DACH2: variants seen among roughly 807,000 people sequenced by gnomAD.
DACH2 encodes dachshund family transcription factor 2, also known as dachshund homolog 2.
Under a neutral mutation model 35.8 loss-of-function variants are expected in DACH2, and 17 were observed. That is an observed-to-expected ratio of 0.48 (90% confidence interval 0.33 to 0.71). The LOEUF (loss-of-function observed/expected upper bound fraction) is 0.71. DACH2 is among the 30% of genes least tolerant of loss of function. The pLI is 0.02. For missense variants in DACH2, 469 were observed against 472.7 expected, an observed-to-expected ratio of 0.99 and a Z score of 0.07; for synonymous variants, 195 against 177.3, an observed-to-expected ratio of 1.10 and a Z score of -0.79.
chrX:86,423,806 G>A (rs915530009), intron 2 of DACH2, among the ~76,000 whole-genome samples: 4 of 110,700 alleles, frequency 3.6e-5, no homozygotes, highest in Admixed American at 2.9e-4. Context: ...TTAGATTTAG[G>A]TCTTCAATCC....
chrX:86,266,025 C>A (rs906792032), intron 1 of DACH2, among the ~76,000 whole-genome samples: 1 of 111,388 alleles, frequency 9.0e-6, no homozygotes. Flanking sequence ...TTTTACTCTG[C>A]ATGTAAAACT....
chrX:86,601,153 A>G (rs1287413962), intron 3 of DACH2, among the ~76,000 whole-genome samples: 1 of 111,500 alleles, frequency 9.0e-6, no homozygotes, highest in Non-Finnish European at 1.9e-5. Flanking sequence ...TTCGGAATGC[A>G]CTTTTGAAAG....
At chrX:86,198,584 T>C (rs1288944852) in intron 1 of DACH2, among the ~76,000 whole-genome samples, 3 of 111,238 alleles carry the variant, frequency 2.7e-5, no homozygotes, top group Non-Finnish European at 5.7e-5. Flanking sequence ...AAAGGGGATA[T>C]TACCACTGAC....
intron 1 of DACH2, among the ~76,000 whole-genome samples, chrX:86,168,089 C>G (rs1031066957): frequency 9.0e-6 from 1 of 111,433 alleles, no homozygotes; most frequent in African/African-American, 3.3e-5. Context: ...TCTGATGTTT[C>G]ATTTTGGATT....
chrX:86,219,915 G>C (rs1305730183), intron 1 of DACH2, among the ~76,000 whole-genome samples: 1 of 106,364 alleles, frequency 9.4e-6, no homozygotes, highest in Non-Finnish European at 1.9e-5. Flanking sequence ...CAGCACTTTG[G>C]GAGGCCAAGG....
chrX:86,774,421 T>A (rs369409705), intron 7 of DACH2, among the ~76,000 whole-genome samples: 1 of 112,043 alleles, frequency 8.9e-6, no homozygotes, highest in African/African-American at 3.2e-5. Flanking sequence ...GTTTGAAAGG[T>A]GGTTTTAACA....
intron 3 of DACH2, among the ~76,000 whole-genome samples, chrX:86,555,485 T>A (rs779773714): frequency 9.0e-6 from 1 of 111,664 alleles, no homozygotes; most frequent in African/African-American, 3.2e-5. Flanking sequence ...TTTTGTACAA[T>A]TTAAAGCATA....
chrX:86,795,967 G>A (rs2042233000), intron 7 of DACH2, among the ~76,000 whole-genome samples: 1 of 111,416 alleles, frequency 9.0e-6, no homozygotes, highest in South Asian at 4.0e-4. Context: ...AGAGTGAGCA[G>A]CAGCAAGATT....
chrX:86,554,980 A>G (rs748515328), intron 3 of DACH2, among the ~76,000 whole-genome samples: 1 of 111,587 alleles, frequency 9.0e-6, no homozygotes, highest in Non-Finnish European at 1.9e-5. Context: ...GAAGAAAAAC[A>G]TTTTGATTTT....
In DACH2 at chrX:86,810,896, T is replaced by G. The variant is rs2042388890; in HGVS notation, c.1241-1960T>G. On this transcript the variant is annotated intron_variant, in intron 7 of 11. Transcript: ENST00000373125. ...GCAAATGTCTTGTAAGAGTTTAGCGTTAATTTTAAATAGAGTTACGTAACT... is the reference window on the plus strand; with the variant it reads ...GCAAATGTCTTGTAAGAGTTTAGCGGTAATTTTAAATAGAGTTACGTAACT... Among the ~76,000 whole-genome samples the G allele has an allele frequency of 2.7e-5, 3 of 111,562 alleles. No individual in the cohort carries two copies. In the Admixed American group the frequency reaches 2.9e-4, roughly 11 times the overall value.
rs572153203 is a variant in DACH2, at chrX:86,530,487, T to C, written c.640+16096T>C. On this transcript the variant is annotated intron_variant, in intron 3 of 11. Coordinates refer to ENST00000373125, the MANE Select transcript of DACH2 (RefSeq NM_053281.3). ...ATGGTTTTAAAGCATGGTACTTCCT[T>C]TCTCTCTCTCTTTCTCTCTCTTTCT... is the stretch of plus-strand genomic sequence containing the variant. Among the ~76,000 whole-genome samples the C allele has an allele frequency of 2.6e-4, 29 of 110,383 alleles. No homozygotes were observed. In the South Asian group the frequency reaches 0.011, roughly 42 times the overall value.
chrX:86,324,472 TA>T (rs1454605205), intron 1 of DACH2, among the ~76,000 whole-genome samples: 1 of 111,308 alleles, frequency 9.0e-6, no homozygotes, highest in Non-Finnish European at 1.9e-5. Context: ...CTCCAATTTT[TA>T]AAGTTCTACT....
chrX:86,443,473 A>G lies in DACH2; in HGVS notation c.527+66611A>G, dbSNP rs186970680. Among the ~76,000 whole-genome samples the G allele has an allele frequency of 2.4e-4, 26 of 108,308 alleles. No individual in the cohort carries two copies. The East Asian group carries it at 7.5e-3, about 31-fold the overall frequency. 94.1% of individuals were successfully genotyped at this position (108,308 alleles called of 115,157 possible). On this transcript the variant is annotated intron_variant, in intron 2 of 11. Transcript: ENST00000373125. ...GACTATACTTTCTGCAAACATGGAC[A>G]GTTTAACTTCTACTTTTCCAATTTG...
intron 7 of DACH2, among the ~76,000 whole-genome samples, chrX:86,783,532 G>A: frequency 8.9e-6 from 1 of 112,100 alleles, no homozygotes; most frequent in Non-Finnish European, 1.9e-5. Flanking sequence ...ACCAACAGAA[G>A]AATGGATGAA....
chrX:86,260,097 G>A (rs1470028105), intron 1 of DACH2, among the ~76,000 whole-genome samples: 2 of 110,688 alleles, frequency 1.8e-5, no homozygotes, highest in Non-Finnish European at 3.8e-5. Flanking sequence ...GGTAAATGCT[G>A]TCTATACTCT....
intron 3 of DACH2, among the ~76,000 whole-genome samples, chrX:86,528,613 T>C (rs771369290): frequency 1.8e-5 from 2 of 112,039 alleles, no homozygotes; most frequent in Admixed American, 1.9e-4. Flanking sequence ...CTGAAATGTA[T>C]GGCATTTTGT....
Position 86,279,644 on chromosome X carries a change from G to T in DACH2, c.489-97180G>T, listed in dbSNP as rs149201166. ...GGATCACAACTCCTTCCCAGCAAGG[G>T]AACAAAACTGGACAGATAATGAGTT... On this transcript the variant is annotated intron_variant, in intron 1 of 11. Coordinates refer to ENST00000373125, the MANE Select transcript of DACH2 (RefSeq NM_053281.3). Among the ~76,000 whole-genome samples, 601 of 110,509 alleles carry T rather than the reference G, an allele frequency of 5.4e-3. 4 individuals are homozygous for T. Among genetic ancestry groups the T allele is most frequent in the Middle Eastern group, 9.4e-3 (2 of 213 alleles).
intron 2 of DACH2, among the ~76,000 whole-genome samples, chrX:86,505,604 G>T (rs1169835764): frequency 9.6e-6 from 1 of 104,169 alleles, no homozygotes; most frequent in Non-Finnish European, 2.0e-5. Context: ...GTTGTAGCAT[G>T]TGTCAGGATT....
intron 3 of DACH2, among the ~76,000 whole-genome samples, chrX:86,581,634 A>G (rs1236116385): frequency 1.8e-5 from 2 of 112,051 alleles, no homozygotes; most frequent in Non-Finnish European, 3.8e-5. Context: ...AAAAAAAAAT[A>G]AAAAATTGGC....
Sources: gnomAD v4.1 joint callset for allele counts (sites outside exome capture counted in the v4.1 genomes callset) on GRCh38, gnomAD v4.1.1 for gene constraint, MANE v1.5 for transcripts, NCBI Gene and HGNC (gene_info 2026-07-23, HGNC 2026-07-21) for gene names.